The following SOX5 variants were observed in gnomAD, a reference collection of about 807,000 sequenced individuals.
SOX5 encodes transcription factor SOX-5.
Under a neutral mutation model 92.0 loss-of-function variants are expected in SOX5, and 9 were observed. The observed-to-expected ratio is 0.10, with a 90% CI of 0.06 to 0.17. The LOEUF (loss-of-function observed/expected upper bound fraction) is 0.17, where lower values mean the gene tolerates loss of function less well. Among genes scored for constraint, SOX5 ranks in the 10% least tolerant of loss-of-function variants. SOX5 has a pLI of 1.00. For synonymous variants in SOX5, 344 were observed against 336.3 expected (o/e 1.02, Z -0.25); for missense variants, 642 against 944.5 (o/e 0.68, Z 4.20).
At chr12:23,914,735 A>T (rs926500752) in intron 1 of SOX5, among the ~76,000 whole-genome samples, 2 of 152,164 alleles carry the variant, frequency 1.3e-5, no homozygotes, top group African/African-American at 4.8e-5. Flanking sequence ...ATTCATTTTT[A>T]TCTTCTTCCA....
chr12:24,135,751 C>T (rs1454535740), intron 4 of SOX5, among the ~76,000 whole-genome samples: 1 of 151,978 alleles, frequency 6.6e-6, no homozygotes, highest in Non-Finnish European at 1.5e-5. Context: ...TCTGGACCTT[C>T]GGAGAATGAG....
chr12:24,299,997 A>G lies in SOX5; in HGVS notation c.-173-22685T>C, dbSNP rs140363764. ...TCTGGAGGCATTTCCTAAAGAAACA[A>G]AACAAGTACAAGCTTTTCCTTAGGA... is the stretch of plus-strand genomic sequence containing the variant. On this transcript the variant is annotated intron_variant, in intron 2 of 4. Coordinates refer to the SOX5 transcript ENST00000446891. Among the ~76,000 whole-genome samples the G allele has an allele frequency of 3.5e-3, 526 of 152,354 alleles. 15 individuals are homozygous for G. The South Asian group carries it at 0.059, about 17-fold the overall frequency.
chr12:24,072,226 G>A (rs1254425352), intron 4 of SOX5, among the ~76,000 whole-genome samples: 1 of 152,184 alleles, frequency 6.6e-6, no homozygotes, highest in South Asian at 2.1e-4. Context: ...AAGAAATATA[G>A]AGCAAAGTTT....
chr12:24,422,798 C>A (rs1966136467), intron 1 of SOX5, among the ~76,000 whole-genome samples: 1 of 152,132 alleles, frequency 6.6e-6, no homozygotes, highest in Non-Finnish European at 1.5e-5. Context: ...ATTGCTTGAG[C>A]TCAGGAGTTT....
chr12:24,430,640 T>C (rs1172271032), intron 1 of SOX5, among the ~76,000 whole-genome samples: 1 of 152,072 alleles, frequency 6.6e-6, no homozygotes, highest in African/African-American at 2.4e-5. Flanking sequence ...GATCATTTTC[T>C]AATTTTTTTT....
chr12:24,138,618 T>G (rs1056609835), intron 4 of SOX5, among the ~76,000 whole-genome samples: 18 of 152,138 alleles, frequency 1.2e-4, no homozygotes, highest in Admixed American at 1.2e-3. Flanking sequence ...ATGGGGAAAA[T>G]GTTTGCAAGT....
chr12:24,095,126 CACAG>C (rs1371196683), intron 4 of SOX5, among the ~76,000 whole-genome samples: 24 of 90,190 alleles, frequency 2.7e-4, no homozygotes, highest in South Asian at 1.3e-3. Flanking sequence ...CACACACACA[CACAG>C]AGAGAGAGAG....
intron 4 of SOX5, among the ~76,000 whole-genome samples, chr12:24,117,785 C>T (rs1006976740): frequency 5.3e-5 from 8 of 151,868 alleles, no homozygotes; most frequent in African/African-American, 1.7e-4. Context: ...TTTGGGAGGC[C>T]GAGGTGGGCA....
chr12:24,150,579 A>T (rs1951556597), intron 4 of SOX5, among the ~76,000 whole-genome samples: 1 of 152,168 alleles, frequency 6.6e-6, no homozygotes, highest in Non-Finnish European at 1.5e-5. Context: ...TAAAACGCCC[A>T]ACAGAACCGG....
chr12:24,009,291 T>A (rs767552426), intron 4 of SOX5, among the ~76,000 whole-genome samples: 48 of 152,226 alleles, frequency 3.2e-4, no homozygotes, highest in African/African-American at 1.1e-3. Flanking sequence ...GTTGGGTTGG[T>A]TTTTAATGTA....
chr12:23,619,962 A>G (rs1324769310), intron 8 of SOX5, among the ~76,000 whole-genome samples: 1 of 152,154 alleles, frequency 6.6e-6, no homozygotes, highest in Non-Finnish European at 1.5e-5. Flanking sequence ...TAGAACAAGA[A>G]AGCCATCAAT....
intron 8 of SOX5, among the ~76,000 whole-genome samples, chr12:23,628,483 G>A (rs1220106582): frequency 6.6e-6 from 1 of 152,068 alleles, no homozygotes; most frequent in African/African-American, 2.4e-5. Context: ...TAGTAGTAGA[G>A]AAAGCAAGAC....
chr12:24,205,966 T>G (rs1001591679), intron 4 of SOX5, among the ~76,000 whole-genome samples: 1 of 152,226 alleles, frequency 6.6e-6, no homozygotes, highest in Non-Finnish European at 1.5e-5. Flanking sequence ...TCTGTAGTTC[T>G]CAGAGCTCTC....
At chr12:23,570,920 AAAAAAAAAAAATATATATATATAT>A (rs1948110341) in intron 10 of SOX5, among the ~76,000 whole-genome samples, 2 of 41,700 alleles carry the variant, frequency 4.8e-5, no homozygotes, top group African/African-American at 1.7e-4. Flanking sequence ...CAAAAAAAAA[AAAAAAAAAAAATATATATATATAT>A]ATATATATAT....
chr12:23,771,320 A>T lies in SOX5; in HGVS notation c.482-15596T>A, dbSNP rs576053812. On this transcript the variant is annotated intron_variant, in intron 3 of 14. Coordinates refer to ENST00000451604, the MANE Select transcript of SOX5 (RefSeq NM_006940.6). ...TGTTAGACATTTTGCAAAGGAGGGG[A>T]GTACCAGCCAGCCTTTCACAACAAA... Among the ~76,000 whole-genome samples, 29 of 152,184 alleles carry T rather than the reference A, an allele frequency of 1.9e-4. No individual in the cohort carries two copies. The East Asian group carries it at 5.4e-3, about 28-fold the overall frequency.
chr12:24,110,364 T>C (rs763479933), intron 4 of SOX5, among the ~76,000 whole-genome samples: 4 of 152,234 alleles, frequency 2.6e-5, no homozygotes, highest in Non-Finnish European at 5.9e-5. Context: ...TTCATTAATC[T>C]AGATGATGAC....
chr12:24,121,383 A>C (rs1948597413), intron 4 of SOX5, among the ~76,000 whole-genome samples: 1 of 152,142 alleles, frequency 6.6e-6, no homozygotes, highest in African/African-American at 2.4e-5. Flanking sequence ...CAAGCCACTA[A>C]GAAGGATAAG....
chr12:23,883,038 G>A (rs187343994), intron 2 of SOX5, among the ~76,000 whole-genome samples: 4 of 151,790 alleles, frequency 2.6e-5, no homozygotes, highest in Admixed American at 6.6e-5. Flanking sequence ...AAAATAAGCC[G>A]GGCATAGTGG....
At chr12:23,555,077 A>C (rs960042863) in intron 11 of SOX5, among the ~76,000 whole-genome samples, 1 of 152,108 alleles carries the variant, frequency 6.6e-6, no homozygotes, top group African/African-American at 2.4e-5. Context: ...AAAATTCAGA[A>C]ATGTGGAAAT....
Sources: allele counts gnomAD v4.1 joint callset (sites outside exome capture counted in the v4.1 genomes callset), GRCh38; gene constraint gnomAD v4.1.1; transcripts MANE v1.5; gene names NCBI Gene and HGNC (gene_info 2026-07-23, HGNC 2026-07-21).